The following SLC25A44 variants were observed in gnomAD, a reference collection of about 807,000 sequenced individuals.
SLC25A44 encodes solute carrier family 25, member 44.
In SLC25A44, 17 loss-of-function variants were observed where a neutral mutation model predicts 29.9. That is an observed-to-expected ratio of 0.57 (90% CI 0.39 to 0.85). SLC25A44 has a LOEUF of 0.85. SLC25A44 is among the 40% of genes least tolerant of loss of function. SLC25A44 has a pLI of 0.00. For missense variants in SLC25A44, 302 were observed against 398.4 expected (o/e 0.76, Z 2.06); for synonymous variants, 140 against 151.8 (o/e 0.92, Z 0.57).
Position 156,210,357 on chromosome 1 carries a change from G to A in SLC25A44, c.871G>A (p.Val291Ile), listed in dbSNP as rs767353553. 6.2e-7 allele frequency: 1 copy of A among 1,609,236 alleles called. No individual in the cohort carries two copies. The highest frequency in any genetic ancestry group is 1.1e-5 in the South Asian group (1 of 90,020). Residue 291 changes from valine to isoleucine, a missense_variant, in exon 4 of 4, where the codon GTC becomes ATC. Val to Ile is a conservative substitution (Grantham distance 29). Coordinates refer to ENST00000359511, the MANE Select transcript of SLC25A44 (RefSeq NM_014655.4). ...CATCTCAGCCACACCTTCCACCATT[G>A]TCATTGTGGTGGGCTATGAGAGCCT... ...RIISATPSTI[V>I]IVVGYESLKK...
chr1:156,207,425 C>T (rs1445593911), intron 2 of SLC25A44, among the ~76,000 whole-genome samples: 4 of 152,264 alleles, frequency 2.6e-5, no homozygotes, highest in Admixed American at 2.6e-4. Context: ...ATGATCTGCC[C>T]GCCTTGGCCT....
chr1:156,205,046 AT>A (rs1389323296), intron 2 of SLC25A44, among the ~76,000 whole-genome samples: 62 of 148,024 alleles, frequency 4.2e-4, no homozygotes, highest in Non-Finnish European at 4.8e-4. Flanking sequence ...TGAGGAAAAA[AT>A]TTTTTTTTTT....
At chr1:156,196,463 GGAAATC>G (rs1291368883) in intron 1 of SLC25A44, 1 of 152,230 alleles carries the variant, frequency 6.6e-6, no homozygotes, top group Non-Finnish European at 1.5e-5. Context: ...AGACAAGGTG[GGAAATC>G]GGATCCTGTC....
At chr1:156,200,543 G>T in intron 2 of SLC25A44, 71 bp downstream of exon 2, 1 of 1,395,002 alleles carries the variant, frequency 7.2e-7, no homozygotes, top group Non-Finnish European at 9.7e-7. Context: ...GTTGCTTTGT[G>T]CATGTTAGAG....
At position 156,197,980 on chromosome 1, in the gene SLC25A44, A is replaced by G. The variant is rs561395908; in HGVS notation, c.-13-1855A>G. On this transcript the variant is annotated intron_variant, in intron 1 of 3. Transcript: ENST00000359511. ...AATCAAAAGGCAGTTCTCATGGAAT[A>G]AAAGCTACCTGAAGCCTGAGTTGGG... is the stretch of plus-strand genomic sequence containing the variant. 3.3e-5 allele frequency: 5 copies of G among 152,340 alleles called. No homozygotes were observed. In the South Asian group the frequency reaches 1.0e-3, roughly 32 times the overall value. The allele number at this position is 152,340 out of a possible 1,614,324, so 9.4% of individuals were successfully genotyped here. A position where few individuals can be genotyped will look rare whatever the true frequency, so the allele number is the denominator to read the frequency against.
Position 156,207,982 on chromosome 1 carries a change from A to G in SLC25A44, c.722A>G (p.Asn241Ser). Residue 241 changes from asparagine to serine, a missense_variant, in exon 3 of 4, where the codon AAT becomes AGT. By Grantham distance (46) the Asn-to-Ser change is conservative. Transcript: ENST00000359511. ...LAAATASILT[N>S]PMDVIRTRVQ... is the part of the protein sequence containing the mutation. ...GCAGCCACTGCCTCCATCCTCACCAATCCCATGGATGTCATACGAACCCGT... is the reference window on the plus strand; with the variant it reads ...GCAGCCACTGCCTCCATCCTCACCAGTCCCATGGATGTCATACGAACCCGT... The G allele has an allele frequency of 1.9e-6, 3 of 1,614,024 alleles. No homozygotes were observed. Among genetic ancestry groups the G allele is most frequent in the South Asian group, 1.1e-5 (1 of 91,072 alleles).
At chr1:156,196,683 A>C (rs554058590) in intron 1 of SLC25A44, 5 of 152,292 alleles carry the variant, frequency 3.3e-5, no homozygotes, top group African/African-American at 1.2e-4. Flanking sequence ...GTCTGTGTTG[A>C]CAACGTGACT....
intron 3 of SLC25A44, among the ~76,000 whole-genome samples, chr1:156,209,651 A>G (rs944108772): frequency 2.0e-5 from 3 of 152,044 alleles, no homozygotes; most frequent in African/African-American, 7.2e-5. Flanking sequence ...AGATGCCTAT[A>G]TTTGTTCATG....
At chr1:156,196,419 G>A (rs1348864543) in intron 1 of SLC25A44, 7 of 152,206 alleles carry the variant, frequency 4.6e-5, no homozygotes, top group Admixed American at 4.6e-4. Flanking sequence ...TTCCTTGTGG[G>A]AGTTTAAAAT....
intron 2 of SLC25A44, among the ~76,000 whole-genome samples, chr1:156,201,675 CCTTCTTTTTCTTCTTT>C (rs1656592129): frequency 6.7e-6 from 1 of 149,382 alleles, no homozygotes; most frequent in South Asian, 2.1e-4. Flanking sequence ...CTTTCTTCTT[CCTTCTTTTTCTTCTTT>C]CTTCTTCTTT....
At chr1:156,209,192 GT>G (rs1366845739) in intron 3 of SLC25A44, among the ~76,000 whole-genome samples, 1 of 152,218 alleles carries the variant, frequency 6.6e-6, no homozygotes, top group Non-Finnish European at 1.5e-5. Context: ...CACAGGGTCA[GT>G]CCTCATTCTT....
chr1:156,200,194 G>A lies in SLC25A44; in HGVS notation c.347G>A (p.Gly116Asp), dbSNP rs769559676. 1 of 1,614,176 alleles carries A rather than the reference G, an allele frequency of 6.2e-7. No homozygotes were observed. Among genetic ancestry groups the A allele is most frequent in the Admixed American group, 1.7e-5 (1 of 60,026 alleles). Residue 116 changes from glycine (G) to aspartate (D), a missense_variant, in exon 2 of 4, where the codon GGT (glycine) becomes GAT (aspartate). Transcript: ENST00000359511. ...AACACAGTCAAATCACTGGTGGCTG[G>A]TGGCTCAGCCTCCCTTGTGGCCCAG... is the stretch of plus-strand genomic sequence containing the variant. ...QSNTVKSLVA[G>D]GSASLVAQSI...
intron 2 of SLC25A44, among the ~76,000 whole-genome samples, chr1:156,205,193 G>A (rs1293467113): frequency 6.6e-6 from 1 of 152,048 alleles, no homozygotes; most frequent in Admixed American, 6.6e-5. Flanking sequence ...ATAGGCATGC[G>A]CCATCACACC....
chr1:156,210,142 G>A (rs756223578), intron 3 of SLC25A44, 98 bp from the exon 4 acceptor site: 11 of 815,858 alleles, frequency 1.3e-5, no homozygotes, highest in Non-Finnish European at 1.7e-5. Flanking sequence ...TTCCGACGTC[G>A]GAGTCTGGTT....
chr1:156,195,921 C>T (rs572214896), intron 1 of SLC25A44, among the ~76,000 whole-genome samples: 1 of 152,332 alleles, frequency 6.6e-6, no homozygotes, highest in African/African-American at 2.4e-5. Flanking sequence ...TGTCCCTTTC[C>T]ATTGGTAGGG....
chr1:156,199,514 G>A lies in SLC25A44; in HGVS notation c.-13-321G>A. On this transcript the variant is annotated intron_variant, in intron 1 of 3. Coordinates refer to ENST00000359511, the MANE Select transcript of SLC25A44 (RefSeq NM_014655.4). ...GGCCCAGACAGAGGCAGAGAGTCCGGATAGAAGATCCTGTAAGCTGGGGTA... is the reference window on the plus strand; with the variant it reads ...GGCCCAGACAGAGGCAGAGAGTCCGAATAGAAGATCCTGTAAGCTGGGGTA... 3 of 340,002 alleles carry A rather than the reference G, an allele frequency of 8.8e-6. 1 individual carries two copies. The South Asian group carries it at 1.2e-4, about 13-fold the overall frequency. 21.1% of individuals were successfully genotyped at this position (340,002 alleles called of 1,614,324 possible).
At chr1:156,195,305 G>A (rs1226842805) in intron 1 of SLC25A44, among the ~76,000 whole-genome samples, 2 of 151,818 alleles carry the variant, frequency 1.3e-5, no homozygotes, top group Non-Finnish European at 2.9e-5. Context: ...GGGTTTCACC[G>A]TGTTAGCCAG....
chr1:156,202,191 C>T (rs1656626202), intron 2 of SLC25A44, among the ~76,000 whole-genome samples: 1 of 152,188 alleles, frequency 6.6e-6, no homozygotes, highest in Admixed American at 6.5e-5. Context: ...CCAACTTTCT[C>T]TTCATACCTG....
In SLC25A44 at chr1:156,207,790, T is replaced by A. The variant is rs1328226089; in HGVS notation, c.626-96T>A. 3.5e-6 allele frequency: 5 copies of A among 1,413,062 alleles called. No homozygotes were observed. In the African/African-American group the frequency reaches 7.1e-5, roughly 20 times the overall value. 87.5% of individuals were successfully genotyped at this position (1,413,062 alleles called of 1,614,324 possible). On this transcript the variant is annotated intron_variant, in intron 2 of 3. Coordinates refer to ENST00000359511, the MANE Select transcript of SLC25A44 (RefSeq NM_014655.4). ...GGTGGTGAAGGGTGGAGGGTTTGTC[T>A]GGGTTGGGAAAGCCACCTGGTAGAA... is the stretch of plus-strand genomic sequence containing the variant.
Sources: allele counts gnomAD v4.1 joint callset (sites outside exome capture counted in the v4.1 genomes callset), GRCh38; gene constraint gnomAD v4.1.1; transcripts MANE v1.5; gene names NCBI Gene and HGNC (gene_info 2026-07-23, HGNC 2026-07-21).